NBEA: variants seen among roughly 807,000 people sequenced by gnomAD.
NBEA encodes neurobeachin, also known as lysosomal-trafficking regulator 2.
NBEA carries 44 observed loss-of-function variants against 343.4 expected under a neutral mutation model. The observed-to-expected ratio is 0.13, with a 90% CI of 0.10 to 0.16. The LOEUF (loss-of-function observed/expected upper bound fraction) is 0.16, where lower values mean the gene tolerates loss of function less well. NBEA is among the 10% of genes least tolerant of loss of function. NBEA has a pLI of 1.00. For synonymous variants in NBEA, 1,175 were observed against 1,238.7 expected (o/e 0.95, Z 1.08); for missense variants, 2,555 against 3,631.3 (o/e 0.70, Z 7.62).
intron 33 of NBEA, among the ~76,000 whole-genome samples, chr13:35,213,064 G>A (rs945745545): frequency 1.3e-5 from 2 of 151,912 alleles, no homozygotes; most frequent in Non-Finnish European, 2.9e-5. Context: ...TTTTGGTGTT[G>A]TAAATGCTTT....
rs73502407 is a variant in NBEA, at chr13:35,140,928, T to G, written c.2337-1341T>G. 6.4e-3 allele frequency among the ~76,000 whole-genome samples: 975 copies of G among 152,336 alleles called. 10 individuals carry two copies. Among genetic ancestry groups the G allele is most frequent in the African/African-American group, 0.022 (934 of 41,570 alleles). On this transcript the variant is annotated intron_variant, in intron 17 of 58. Transcript: ENST00000379939. ...GACCCAGGCAGCTTCTCCCACCTTG[T>G]AGCTCCATTGTCTTCCTTCTGTGGA...
At chr13:35,317,681 T>C (rs1269129999) in intron 36 of NBEA, among the ~76,000 whole-genome samples, 1 of 152,206 alleles carries the variant, frequency 6.6e-6, no homozygotes, top group Non-Finnish European at 1.5e-5. Context: ...ACTGAATCTA[T>C]AAATTACTTT....
intron 36 of NBEA, among the ~76,000 whole-genome samples, chr13:35,318,765 G>A (rs935754836): frequency 3.3e-5 from 5 of 151,620 alleles, no homozygotes; most frequent in African/African-American, 4.8e-5. Context: ...AGGCTATTAC[G>A]GCTTCAATTT....
intron 41 of NBEA, among the ~76,000 whole-genome samples, chr13:35,520,591 A>C (rs73499804): frequency 0.051 from 7,797 of 152,204 alleles, 705 homozygotes; most frequent in African/African-American, 0.18. Flanking sequence ...CATGCCACAG[A>C]AACTCTGAGG....
chr13:35,298,422 C>T (rs1449974941), intron 35 of NBEA, among the ~76,000 whole-genome samples: 1 of 151,418 alleles, frequency 6.6e-6, no homozygotes, highest in African/African-American at 2.4e-5. Flanking sequence ...TGTTCTTATA[C>T]TGGCTTCCAC....
chr13:35,464,833 G>GT (rs2047084473), intron 40 of NBEA, among the ~76,000 whole-genome samples: 1 of 152,016 alleles, frequency 6.6e-6, no homozygotes, highest in Non-Finnish European at 1.5e-5. Context: ...CTCTTTGTGG[G>GT]TAAAATGTAT....
chr13:35,225,556 T>C (rs112274191), intron 33 of NBEA, among the ~76,000 whole-genome samples: 2 of 152,138 alleles, frequency 1.3e-5, no homozygotes, highest in Non-Finnish European at 2.9e-5. Flanking sequence ...CTCCAATTTT[T>C]CTCCTGAATA....
At chr13:35,011,185 T>A (rs969278621) in intron 1 of NBEA, among the ~76,000 whole-genome samples, 46 of 152,018 alleles carry the variant, frequency 3.0e-4, no homozygotes, top group African/African-American at 1.0e-3. Flanking sequence ...CCTACAGGGT[T>A]AATAGATAGA....
At chr13:35,316,742 C>T (rs2037756720) in intron 36 of NBEA, among the ~76,000 whole-genome samples, 1 of 152,182 alleles carries the variant, frequency 6.6e-6, no homozygotes, top group African/African-American at 2.4e-5. Context: ...AACAGCGTTC[C>T]TATTTCTCCA....
chr13:34,968,212 A>G (rs984096065), intron 1 of NBEA, among the ~76,000 whole-genome samples: 2 of 152,156 alleles, frequency 1.3e-5, no homozygotes, highest in South Asian at 4.1e-4. Context: ...CCCTCCCAGC[A>G]GATTGATATG....
intron 38 of NBEA, among the ~76,000 whole-genome samples, chr13:35,402,457 T>C (rs1393144873): frequency 2.0e-5 from 3 of 152,064 alleles, no homozygotes; most frequent in Non-Finnish European, 4.4e-5. Flanking sequence ...CTTTTATTAT[T>C]ATAATACTCT....
intron 41 of NBEA, among the ~76,000 whole-genome samples, chr13:35,519,636 T>C (rs1037127021): frequency 6.6e-6 from 1 of 152,212 alleles, no homozygotes; most frequent in Non-Finnish European, 1.5e-5. Flanking sequence ...TCATTTATTT[T>C]TTTTAAATTT....
chr13:35,033,947 A>G (rs2062340592), intron 1 of NBEA, among the ~76,000 whole-genome samples: 1 of 151,738 alleles, frequency 6.6e-6, no homozygotes, highest in South Asian at 2.1e-4. Context: ...TATCATCCGC[A>G]AACAAGGATA....
At chr13:35,006,651 C>A (rs993052571) in intron 1 of NBEA, among the ~76,000 whole-genome samples, 6 of 152,150 alleles carry the variant, frequency 3.9e-5, no homozygotes, top group South Asian at 2.1e-4. Flanking sequence ...CTACTTTTTA[C>A]AGTCTCTTTT....
intron 47 of NBEA, among the ~76,000 whole-genome samples, chr13:35,598,214 G>A (rs1328479769): frequency 6.6e-6 from 1 of 152,176 alleles, no homozygotes; most frequent in Non-Finnish European, 1.5e-5. Flanking sequence ...AACTTCGGTA[G>A]AAACTCCATT....
At chr13:35,342,683 G>A (rs889649766) in intron 36 of NBEA, among the ~76,000 whole-genome samples, 1 of 151,888 alleles carries the variant, frequency 6.6e-6, no homozygotes, top group Non-Finnish European at 1.5e-5. Context: ...TTGCAGAAGA[G>A]GCTTATGATG....
chr13:35,464,893 C>A (rs1203147063), intron 40 of NBEA, among the ~76,000 whole-genome samples: 1 of 152,226 alleles, frequency 6.6e-6, no homozygotes, highest in Admixed American at 6.5e-5. Flanking sequence ...CAATATACTA[C>A]TCATTAATTT....
At position 35,415,185 on chromosome 13, in the gene NBEA, C is replaced by T. The variant is rs574924177; in HGVS notation, c.6180-17084C>T. ...AAATTTTCTCCCATTCTGTAGGTTG[C>T]CTGTTCACTCTGATGGTAGTTTCTT... On this transcript the variant is annotated intron_variant, in intron 38 of 58. Coordinates refer to ENST00000379939, the MANE Select transcript of NBEA (RefSeq NM_001385012.1). Among the ~76,000 whole-genome samples, 124 of 152,260 alleles carry T rather than the reference C, an allele frequency of 8.1e-4. No individual in the cohort carries two copies. The East Asian group carries it at 0.016, about 20-fold the overall frequency.
intron 1 of NBEA, among the ~76,000 whole-genome samples, chr13:35,025,227 A>G (rs1168417392): frequency 6.6e-6 from 1 of 151,924 alleles, no homozygotes; most frequent in East Asian, 1.9e-4. Context: ...GCTTTTGGAG[A>G]CATCATCTTG....
Sources: allele counts gnomAD v4.1 joint callset (sites outside exome capture counted in the v4.1 genomes callset), GRCh38; gene constraint gnomAD v4.1.1; transcripts MANE v1.5; gene names NCBI Gene and HGNC (gene_info 2026-07-23, HGNC 2026-07-21).